NUP155: variants seen among roughly 807,000 people sequenced by gnomAD.
The protein encoded by NUP155 is nuclear pore complex protein Nup155.
A neutral mutation model predicts 180.4 loss-of-function variants in NUP155; 71 were observed. The ratio of observed to expected loss-of-function variants is 0.39; its 90% CI spans 0.33 to 0.48. The LOEUF (loss-of-function observed/expected upper bound fraction) is 0.48, where lower values mean the gene tolerates loss of function less well. Ranked by LOEUF, NUP155 falls within the 20% of genes least tolerant of loss-of-function variation. The pLI is 0.91. For synonymous variants in NUP155, 582 were observed against 559.5 expected (o/e 1.04, Z -0.57); for missense variants, 1,553 against 1,648.9 (o/e 0.94, Z 1.01).
chr5:37,325,635 G>A (rs1015549196), intron 19 of NUP155, among the ~76,000 whole-genome samples: 1 of 151,832 alleles, frequency 6.6e-6, no homozygotes, highest in African/African-American at 2.4e-5. Context: ...CAGGCATGGT[G>A]GCGCACACCT....
At chr5:37,292,754 AT>A (rs1442091427) in intron 34 of NUP155, 124 bp downstream of exon 34, 2 of 679,072 alleles carry the variant, frequency 2.9e-6, no homozygotes, top group African/African-American at 3.6e-5. Context: ...GGTGATCAAT[AT>A]CATTCAAATA....
intron 19 of NUP155, among the ~76,000 whole-genome samples, chr5:37,324,405 T>G (rs1581161801): frequency 1.3e-5 from 2 of 152,200 alleles, no homozygotes; most frequent in East Asian, 3.8e-4. Flanking sequence ...AAGTTTCCTA[T>G]GTTCCTTTGT....
chr5:37,318,980 GA>G, intron 20 of NUP155, among the ~76,000 whole-genome samples: 1 of 152,282 alleles, frequency 6.6e-6, no homozygotes, highest in South Asian at 2.1e-4. Context: ...AATGGTCTAT[GA>G]TCTTAAAATC....
chr5:37,360,791 G>A (rs1747158904), intron 3 of NUP155, among the ~76,000 whole-genome samples: 1 of 149,926 alleles, frequency 6.7e-6, no homozygotes, highest in Admixed American at 6.7e-5. Flanking sequence ...AAAAAAGGGG[G>A]GGGGGTCCAG....
intron 3 of NUP155, among the ~76,000 whole-genome samples, chr5:37,362,114 G>A (rs1159377941): frequency 6.6e-6 from 1 of 152,094 alleles, no homozygotes; most frequent in Non-Finnish European, 1.5e-5. Flanking sequence ...TTCTGTTTTA[G>A]CAGCTCGGAC....
intron 8 of NUP155, among the ~76,000 whole-genome samples, chr5:37,348,847 C>T (rs1241551062): frequency 1.3e-5 from 2 of 151,958 alleles, no homozygotes; most frequent in Admixed American, 6.6e-5. Context: ...CCTCCGCCGC[C>T]CAGGTTCAAA....
At chr5:37,321,862 TA>T (rs1432077303) in intron 20 of NUP155, among the ~76,000 whole-genome samples, 30 of 152,328 alleles carry the variant, frequency 2.0e-4, no homozygotes, top group East Asian at 7.7e-4. Flanking sequence ...TTATTTATGA[TA>T]TTTTTTTTTG....
Position 37,341,136 on chromosome 5 carries a change from T to G in NUP155, c.1200A>C (p.Ser400=), listed in dbSNP as rs1307966314. The G allele has an allele frequency of 5.0e-6, 8 of 1,614,026 alleles. No homozygotes were observed. The highest frequency in any genetic ancestry group is 6.8e-6 in the Non-Finnish European group (8 of 1,179,884). The change falls in exon 11 of 35, where the codon TCA becomes TCC. Residue 400 remains serine (S), a synonymous_variant. Transcript: ENST00000231498. ...VRLPPGFSAS[S]TVEKPSKVHR... ...GTACTTTTGAAGGCTTTTCCACGGT[T>G]GAAGATGCTGAGAATCCAGGAGGTA...
Position 37,318,129 on chromosome 5 carries a change from T to C in NUP155, c.2208-44A>G, listed in dbSNP as rs1316754990. 8 of 1,033,164 alleles carry C rather than the reference T, an allele frequency of 7.7e-6. No individual in the cohort carries two copies. The Admixed American group carries it at 1.0e-4, about 13-fold the overall frequency. 64.0% of individuals were successfully genotyped at this position (1,033,164 alleles called of 1,614,324 possible). A position where few individuals can be genotyped will look rare whatever the true frequency, so the allele number is the denominator to read the frequency against. Reference sequence around the variant, plus strand: ...AATGTGTGTGTTTATAACAGCTTTATTGAGATATAACACATACAGTACAAT... The same window carrying C: ...AATGTGTGTGTTTATAACAGCTTTACTGAGATATAACACATACAGTACAAT... On this transcript the variant is annotated intron_variant, in intron 20 of 34. Transcript: ENST00000231498.
At chr5:37,330,202 G>T in intron 14 of NUP155, 70 bp from the exon 15 acceptor site, 2 of 1,062,678 alleles carry the variant, frequency 1.9e-6, no homozygotes, top group Non-Finnish European at 2.9e-6. Flanking sequence ...ACTGCTAGAT[G>T]CAGTATTAAA....
At position 37,291,779 on chromosome 5, in the gene NUP155, A is replaced by G; in HGVS notation, c.*121T>C. ...TACTATTTGTAGATATTAGCCACTTATTAAAAACATATTTCTATTAAGATT... is the reference window on the plus strand; with the variant it reads ...TACTATTTGTAGATATTAGCCACTTGTTAAAAACATATTTCTATTAAGATT... On this transcript the variant is annotated 3_prime_UTR_variant, in exon 35 of 35. Transcript: ENST00000231498. The G allele has an allele frequency of 1.1e-6, 1 of 894,778 alleles. No individual in the cohort carries two copies. Among genetic ancestry groups the G allele is most frequent in the Non-Finnish European group, 1.8e-6 (1 of 565,074 alleles). The allele number at this position is 894,778 out of a possible 1,614,324, so 55.4% of individuals were successfully genotyped here.
intron 9 of NUP155, among the ~76,000 whole-genome samples, 190 bp downstream of exon 9, chr5:37,348,307 AAAATAAAT>A (rs56758251): frequency 6.6e-6 from 1 of 151,516 alleles, no homozygotes; most frequent in Admixed American, 6.6e-5. Flanking sequence ...CTGTCTCAAA[AAAATAAAT>A]AAATAAATAA....
In NUP155 at chr5:37,290,105, T is replaced by C. The variant is rs939267220; in HGVS notation, c.*1795A>G. The C allele has an allele frequency of 2.0e-5, 3 of 152,184 alleles. No individual in the cohort carries two copies. The highest frequency in any genetic ancestry group is 7.2e-5 in the African/African-American group (3 of 41,436). The allele number at this position is 152,184 out of a possible 1,614,324, so 9.4% of individuals were successfully genotyped here. ...AGACAATAATGGAAGGAAAAATATA[T>C]TCAAAATGTATTGTACAAATTGTTA... On this transcript the variant is annotated 3_prime_UTR_variant, in exon 35 of 35. Transcript: ENST00000231498.
chr5:37,338,339 T>G (rs1246467355), intron 11 of NUP155, among the ~76,000 whole-genome samples: 1 of 150,552 alleles, frequency 6.6e-6, no homozygotes, highest in African/African-American at 2.5e-5. Context: ...AAAAAAAAAT[T>G]TTACAAAACC....
At chr5:37,331,855 T>C (rs1744984471) in intron 13 of NUP155, 60 bp from the exon 14 acceptor site, 4 of 946,402 alleles carry the variant, frequency 4.2e-6, no homozygotes, top group Non-Finnish European at 6.9e-6. Flanking sequence ...TGATAGCAAC[T>C]GACTCTACCT....
chr5:37,322,562 C>G (rs1165096596), intron 20 of NUP155, among the ~76,000 whole-genome samples: 1 of 152,026 alleles, frequency 6.6e-6, no homozygotes, highest in Non-Finnish European at 1.5e-5. Flanking sequence ...AAAGAATTAG[C>G]TGGGTGTGGT....
intron 20 of NUP155, among the ~76,000 whole-genome samples, chr5:37,323,596 C>T (rs1467055835): frequency 6.7e-6 from 1 of 148,764 alleles, no homozygotes; most frequent in Non-Finnish European, 1.5e-5. Context: ...TATAAATATT[C>T]CATTTATATA....
At chr5:37,357,372 G>A (rs527971443) in intron 4 of NUP155, among the ~76,000 whole-genome samples, 8 of 137,738 alleles carry the variant, frequency 5.8e-5, no homozygotes, top group Admixed American at 2.3e-4. Flanking sequence ...ACTCCAGCCC[G>A]GGTGATAGAG....
At chr5:37,337,671 T>C (rs1002672170) in intron 12 of NUP155, 147 bp downstream of exon 12, 5 of 576,912 alleles carry the variant, frequency 8.7e-6, no homozygotes, top group African/African-American at 7.5e-5. Flanking sequence ...AAACAAATAA[T>C]TGACAGGATA....
Sources: allele counts gnomAD v4.1 joint callset (sites outside exome capture counted in the v4.1 genomes callset), GRCh38; gene constraint gnomAD v4.1.1; transcripts MANE v1.5; gene names NCBI Gene and HGNC (gene_info 2026-07-23, HGNC 2026-07-21).